Variants in COMT observed in about 807,000 individuals in gnomAD.
COMT encodes the protein catechol-O-methyltransferase, also known as catechol O-methyltransferase.
COMT carries 13 observed loss-of-function variants against 18.9 expected under a neutral mutation model. That is an observed-to-expected ratio of 0.69 (90% CI 0.45 to 1.09). The LOEUF (loss-of-function observed/expected upper bound fraction) is 1.09, where lower values mean the gene tolerates loss of function less well. COMT is among the 50% of genes least tolerant of loss of function. The pLI, the probability that COMT is intolerant of heterozygous loss-of-function variation, is 0.00. For synonymous variants in COMT, 150 were observed against 160.9 expected, an observed-to-expected ratio of 0.93 and a Z score of 0.51; for missense variants, 329 against 361.8, an observed-to-expected ratio of 0.91 and a Z score of 0.73.
Position 19,969,736 on chromosome 22 carries a change from T to G in COMT, c.*1000T>G. The G allele has an allele frequency of 1.3e-6, 1 of 751,886 alleles. No homozygotes were observed. Among genetic ancestry groups the G allele is most frequent in the Non-Finnish European group, 1.6e-6 (1 of 617,746 alleles). The allele number at this position is 751,886 out of a possible 1,614,324, so 46.6% of individuals were successfully genotyped here. A position where few individuals can be genotyped will look rare whatever the true frequency, so the allele number is the denominator to read the frequency against. On this transcript the variant is annotated 3_prime_UTR_variant, in exon 6 of 6. Transcript: ENST00000361682. Reference sequence around the variant, plus strand: ...AGACCAGTGAGCCCAAGTGGACAAGTTTGGGGCCACCCAGGGACCAGAAAC... The same window carrying G: ...AGACCAGTGAGCCCAAGTGGACAAGGTTGGGGCCACCCAGGGACCAGAAAC...
intron 1 of COMT, among the ~76,000 whole-genome samples, chr22:19,958,322 G>A (rs1456432094): frequency 4.0e-5 from 6 of 151,410 alleles, no homozygotes; most frequent in African/African-American, 7.3e-5. Flanking sequence ...GGACCACCAC[G>A]CCTGGCTAAT....
At position 19,941,859 on chromosome 22, in the gene COMT, C is replaced by T. The variant is rs1320001404; in HGVS notation, c.-130C>T. 3 of 1,454,682 alleles carry T rather than the reference C, an allele frequency of 2.1e-6. No homozygotes were observed. Among genetic ancestry groups the T allele is most frequent in the South Asian group, 1.4e-5 (1 of 73,630 alleles). 90.1% of individuals were successfully genotyped at this position (1,454,682 alleles called of 1,614,324 possible). A position where few individuals can be genotyped will look rare whatever the true frequency, so the allele number is the denominator to read the frequency against. On this transcript the variant is annotated 5_prime_UTR_variant, in exon 1 of 6. Coordinates refer to ENST00000361682, the MANE Select transcript of COMT (RefSeq NM_000754.4). ...GCCCGCCGCGCTGCCTGCGCCGGAC[C>T]GGGGCGGGTCCAGTCCCGGGCGGGC...
At chr22:19,968,514 C>T in intron 5 of COMT, 22 bp from the exon 6 acceptor site, 1 of 1,610,704 alleles carries the variant, frequency 6.2e-7, no homozygotes, top group Non-Finnish European at 8.5e-7. Flanking sequence ...CTCACCTCCC[C>T]CACCCCCCGG....
At chr22:19,947,548 G>A (rs9332332) in intron 1 of COMT, among the ~76,000 whole-genome samples, 34,882 of 152,154 alleles carry the variant, frequency 0.23, 4,316 homozygotes, top group Middle Eastern at 0.33. Context: ...TTTGGCAGCC[G>A]AGGCGGACAG....
At chr22:19,941,979 AG>A (rs1249079572) in intron 1 of COMT, 82 bp downstream of exon 1, 1 of 491,670 alleles carries the variant, frequency 2.0e-6, no homozygotes, top group African/African-American at 2.1e-5. Context: ...ACACTGGGAT[AG>A]GGTGTGGGGA....
intron 1 of COMT, among the ~76,000 whole-genome samples, chr22:19,953,490 TCA>T (rs1941993585): frequency 6.6e-6 from 1 of 152,116 alleles, no homozygotes; most frequent in East Asian, 1.9e-4. Context: ...AAACAGAGTT[TCA>T]CCATGTTGGC....
rs376880156 is a variant in COMT at position 19,967,250 on chromosome 22, C to T, written c.616-1286C>T. The T allele has an allele frequency of 1.5e-5, 20 of 1,294,778 alleles. 1 individual carries two copies. Among genetic ancestry groups the T allele is most frequent in the African/African-American group, 1.2e-4 (8 of 65,640 alleles). 80.2% of individuals were successfully genotyped at this position (1,294,778 alleles called of 1,614,324 possible). On this transcript the variant is annotated intron_variant, in intron 5 of 5. Transcript: ENST00000361682. The stretch of plus-strand genomic sequence containing the variant: ...GGCTCCTGAGTCCCCTGGCGCAACC[C>T]GAGAAGTCCAGGAGCCCAGGCCCCT...
chr22:19,946,409 A>G (rs146033898), intron 1 of COMT, among the ~76,000 whole-genome samples: 189 of 152,010 alleles, frequency 1.2e-3, no homozygotes, highest in African/African-American at 4.3e-3. Flanking sequence ...AATCGCTTGA[A>G]CCCGGGACAT....
chr22:19,952,125 C>T (rs185480260), intron 1 of COMT, among the ~76,000 whole-genome samples: 22 of 152,186 alleles, frequency 1.4e-4, no homozygotes, highest in East Asian at 7.7e-4. Flanking sequence ...CATAGCAAGA[C>T]GCTGTCTCTA....
Position 19,941,860 on chromosome 22 carries a change from G to A in COMT, c.-129G>A, listed in dbSNP as rs1941734864. On this transcript the variant is annotated 5_prime_UTR_variant, in exon 1 of 6. Coordinates refer to ENST00000361682, the MANE Select transcript of COMT (RefSeq NM_000754.4). ...CCCGCCGCGCTGCCTGCGCCGGACC[G>A]GGGCGGGTCCAGTCCCGGGCGGGCC... 2.8e-6 allele frequency: 4 copies of A among 1,454,302 alleles called. No homozygotes were observed. In the African/African-American group the frequency reaches 5.9e-5, roughly 22 times the overall value. 90.1% of individuals were successfully genotyped at this position (1,454,302 alleles called of 1,614,324 possible). A position where few individuals can be genotyped will look rare whatever the true frequency, so the allele number is the denominator to read the frequency against.
intron 1 of COMT, among the ~76,000 whole-genome samples, chr22:19,958,028 C>T (rs1038015652): frequency 9.2e-5 from 14 of 152,084 alleles, no homozygotes; most frequent in Admixed American, 3.9e-4. Context: ...CTGGTTTAGT[C>T]CCTGTTTTCA....
chr22:19,952,926 G>A (rs1020631553), intron 1 of COMT, among the ~76,000 whole-genome samples: 1 of 151,934 alleles, frequency 6.6e-6, no homozygotes, highest in Non-Finnish European at 1.5e-5. Flanking sequence ...ACTCCAGTCT[G>A]TGTGACAGAG....
intron 1 of COMT, 65 bp downstream of exon 1, chr22:19,941,962 G>A: frequency 1.6e-6 from 1 of 635,212 alleles, no homozygotes; most frequent in Non-Finnish European, 2.4e-6. Flanking sequence ...TTCAGACCTA[G>A]GGTGGAACAC....
intron 1 of COMT, among the ~76,000 whole-genome samples, chr22:19,945,356 C>T (rs1569123958): frequency 6.6e-6 from 1 of 152,200 alleles, no homozygotes; most frequent in Non-Finnish European, 1.5e-5. Flanking sequence ...AATGGCTCCA[C>T]AAAGTCAACC....
chr22:19,962,727 G>A lies in COMT; in HGVS notation c.201G>A (p.Ala67=), dbSNP rs375558228. Residue 67 remains alanine (A), a synonymous_variant, in exon 3 of 6, where the codon GCG becomes GCA. Coordinates refer to ENST00000361682, the MANE Select transcript of COMT (RefSeq NM_000754.4). ...TCCTGAACCACGTGCTGCAGCATGC[G>A]GAGCCCGGGAACGCACAGAGCGTGC... ...QRILNHVLQH[A]EPGNAQSVLE... is the part of the protein sequence containing the mutation. The A allele has an allele frequency of 4.3e-5, 70 of 1,613,746 alleles. No individual in the cohort carries two copies. The highest frequency in any genetic ancestry group is 2.7e-4 in the African/African-American group (20 of 75,050).
At chr22:19,962,469 G>A (rs1265722684) in intron 2 of COMT, 58 bp from the exon 3 acceptor site, 38 of 1,551,176 alleles carry the variant, frequency 2.4e-5, no homozygotes, top group Non-Finnish European at 3.1e-5. Context: ...GCAAAGGGGC[G>A]TGTGGGTGCT....
In COMT at chr22:19,964,670, C is replaced by G. The variant is rs34446512; in HGVS notation, c.615+371C>G. 2.0e-3 allele frequency: 1,159 copies of G among 578,630 alleles called. 8 individuals are homozygous for G. The African/African-American group carries it at 0.02, about 10-fold the overall frequency. The allele number at this position is 578,630 out of a possible 1,614,324, so 35.8% of individuals were successfully genotyped here. ...GCTCTGGGCCCAGCCTGCTCTCCCC[C>G]AAGCAAGCCACTGCTCGTGCAAAGA... On this transcript the variant is annotated intron_variant, in intron 5 of 5. Transcript: ENST00000361682.
chr22:19,964,726 G>A, intron 5 of COMT: 1 of 484,932 alleles, frequency 2.1e-6, no homozygotes, highest in South Asian at 2.2e-5. Context: ...TCTTCCTCCT[G>A]AGGCCCCATC....
In COMT at chr22:19,969,175, G is replaced by A. The variant is rs569006363; in HGVS notation, c.*439G>A. ...TTCTGGGTGGCACGCCTGGCCCACTGGCCTCCCAGCCACAGTGGTGCAGAG... is the reference window on the plus strand; with the variant it reads ...TTCTGGGTGGCACGCCTGGCCCACTAGCCTCCCAGCCACAGTGGTGCAGAG... On this transcript the variant is annotated 3_prime_UTR_variant, in exon 6 of 6. Coordinates refer to ENST00000361682, the MANE Select transcript of COMT (RefSeq NM_000754.4). The A allele has an allele frequency of 1.1e-5, 2 of 182,028 alleles. No individual in the cohort carries two copies. The highest frequency in any genetic ancestry group is 2.0e-4 in the South Asian group (2 of 9,804). 11.3% of individuals were successfully genotyped at this position (182,028 alleles called of 1,614,324 possible). A position where few individuals can be genotyped will look rare whatever the true frequency, so the allele number is the denominator to read the frequency against.
Sources: gnomAD v4.1 joint callset for allele counts (sites outside exome capture counted in the v4.1 genomes callset) on GRCh38, gnomAD v4.1.1 for gene constraint, MANE v1.5 for transcripts, NCBI Gene and HGNC (gene_info 2026-07-23, HGNC 2026-07-21) for gene names.